Variants in AP5Z1 observed in about 807,000 individuals in gnomAD.
The protein encoded by AP5Z1 is adaptor related protein complex 5 subunit zeta 1, also known as AP-5 complex subunit zeta-1.
Under a neutral mutation model 83.0 loss-of-function variants are expected in AP5Z1, and 106 were observed. That is an observed-to-expected ratio of 1.28 (90% CI 1.09 to 1.50). The LOEUF (loss-of-function observed/expected upper bound fraction) is 1.50, where lower values mean the gene tolerates loss of function less well. AP5Z1 is among the 40% of genes most tolerant of loss of function. The pLI is 0.00. For missense variants in AP5Z1, 1,565 were observed against 1,094.2 expected, an observed-to-expected ratio of 1.43 and a Z score of -6.07; for synonymous variants, 751 against 514.1, an observed-to-expected ratio of 1.46 and a Z score of -6.23.
Position 4,785,518 on chromosome 7 carries a change from G to A in AP5Z1, c.970-4G>A, listed in dbSNP as rs559842146. 150 of 1,613,112 alleles carry A rather than the reference G, an allele frequency of 9.3e-5. 1 individual carries two copies. In the East Asian group the frequency reaches 1.7e-3, roughly 18 times the overall value. ...GCCCATTTGATGTGGTCCATGTCCCGCAGTGCCTGGTGGAGGCCGTGCTGG... is the reference window on the plus strand; with the variant it reads ...GCCCATTTGATGTGGTCCATGTCCCACAGTGCCTGGTGGAGGCCGTGCTGG... On this transcript the variant is annotated splice_polypyrimidine_tract_variant and splice_region_variant and intron_variant, in intron 8 of 16. Coordinates refer to ENST00000649063, the MANE Select transcript of AP5Z1 (RefSeq NM_014855.3).
rs945890291 is a variant in AP5Z1 at position 4,793,863 on chromosome 7, G to A, written c.*2478G>A. The stretch of plus-strand genomic sequence containing the variant: ...GTCCCATCGACCACCCAAGGGCTGA[G>A]GAGTGCCTTTGGAGCAGGGCACGGG... On this transcript the variant is annotated 3_prime_UTR_variant, in exon 17 of 17. Transcript: ENST00000649063. 6.5e-6 allele frequency: 1 copy of A among 153,398 alleles called. No homozygotes were observed. The highest frequency in any genetic ancestry group is 1.5e-5 in the Non-Finnish European group (1 of 68,878). The allele number at this position is 153,398 out of a possible 1,614,324, so 9.5% of individuals were successfully genotyped here.
At position 4,790,721 on chromosome 7, in the gene AP5Z1, A is replaced by G; in HGVS notation, c.1987A>G (p.Thr663Ala). ...GTCGGTGACCTACGATCGGAGGTGCACCGTGGAGCAGATCAACAAGTTCTT... is the reference window on the plus strand; with the variant it reads ...GTCGGTGACCTACGATCGGAGGTGCGCCGTGGAGCAGATCAACAAGTTCTT... ...YLSVTYDRRC[T>A]VEQINKFFEA... Residue 663 changes from threonine to alanine, a missense_variant, in exon 16 of 17, where the codon ACC becomes GCC. Physicochemically the swap from Thr to Ala is moderately conservative, Grantham distance 58. Transcript: ENST00000649063. 1 of 1,611,006 alleles carries G rather than the reference A, an allele frequency of 6.2e-7. No homozygotes were observed. The highest frequency in any genetic ancestry group is 2.2e-5 in the East Asian group (1 of 44,826).
chr7:4,793,728 A>C lies in AP5Z1; in HGVS notation c.*2343A>C, dbSNP rs1307283884. The C allele has an allele frequency of 6.5e-6, 1 of 154,084 alleles. No homozygotes were observed. The highest frequency in any genetic ancestry group is 1.4e-5 in the Non-Finnish European group (1 of 69,552). 9.5% of individuals were successfully genotyped at this position (154,084 alleles called of 1,614,324 possible). On this transcript the variant is annotated 3_prime_UTR_variant, in exon 17 of 17. Transcript: ENST00000649063. Reference sequence around the variant, plus strand: ...GGCCTTAGCTGCCTTCCTGCGGGGCAGGGCTGGGGACCTGCAGCCCGCCAT... The same window carrying C: ...GGCCTTAGCTGCCTTCCTGCGGGGCCGGGCTGGGGACCTGCAGCCCGCCAT...
At chr7:4,778,850 T>C (rs1205180716) in intron 1 of AP5Z1, among the ~76,000 whole-genome samples, 1 of 144,688 alleles carries the variant, frequency 6.9e-6, no homozygotes, top group Admixed American at 7.1e-5. Context: ...TAATATATAA[T>C]GATATATAAT....
rs764462865 is a variant in AP5Z1 at position 4,781,235 on chromosome 7, G to C, written c.102G>C (p.Ala34=). Residue 34 remains alanine (A), a synonymous_variant, in exon 2 of 17, where the codon GCG becomes GCC. Coordinates refer to ENST00000649063, the MANE Select transcript of AP5Z1 (RefSeq NM_014855.3). ...CCCGGATCTGTAAACTGCTGCAGGC[G>C]GAGGACTTGGGGCCGGACACCCTCG... ...FCSRICKLLQ[A]EDLGPDTLDS... 1 of 1,613,712 alleles carries C rather than the reference G, an allele frequency of 6.2e-7. No individual in the cohort carries two copies.
chr7:4,792,920 G>A lies in AP5Z1; in HGVS notation c.*1535G>A, dbSNP rs1781831717. ...CTCAGAGAGCGTGGGGCTGCCCCTA[G>A]GCTCGGAATGAGTCTCCCACTGAGT... is the stretch of plus-strand genomic sequence containing the variant. On this transcript the variant is annotated 3_prime_UTR_variant, in exon 17 of 17. Transcript: ENST00000649063. 6.5e-6 allele frequency: 1 copy of A among 154,072 alleles called. No homozygotes were observed. The highest frequency in any genetic ancestry group is 2.0e-4 in the South Asian group (1 of 4,918). The allele number at this position is 154,072 out of a possible 1,614,324, so 9.5% of individuals were successfully genotyped here. A position where few individuals can be genotyped will look rare whatever the true frequency, so the allele number is the denominator to read the frequency against.
Position 4,786,500 on chromosome 7 carries a change from C to T in AP5Z1, c.1311+72C>T, listed in dbSNP as rs141712634. On this transcript the variant is annotated intron_variant, in intron 10 of 16. Transcript: ENST00000649063. ...CCTGGGGCTCCTCCCCTCTTTCCAG[C>T]GGGGTTCAGGGCGAGTCCTGGCTGA... 868 of 1,557,948 alleles carry T rather than the reference C, an allele frequency of 5.6e-4. 4 individuals carry two copies. The African/African-American group carries it at 0.01, about 18-fold the overall frequency.
At position 4,792,835 on chromosome 7, in the gene AP5Z1, GCGGTGCACGACC is replaced by G. The variant is rs1312957623; in HGVS notation, c.*1452_*1463del. ...GCGGGTCTCGGGATCACTTCCCAGTGCGGTGCACGACCCCGCCTGCAGCAGTGGGTGTGGGGG... is the reference window on the plus strand; with the variant it reads ...GCGGGTCTCGGGATCACTTCCCAGTGCCGCCTGCAGCAGTGGGTGTGGGGG... On this transcript the variant is annotated 3_prime_UTR_variant, in exon 17 of 17. Coordinates refer to ENST00000649063, the MANE Select transcript of AP5Z1 (RefSeq NM_014855.3). 6.6e-6 allele frequency: 1 copy of G among 152,398 alleles called. No homozygotes were observed. Among genetic ancestry groups the G allele is most frequent in the Non-Finnish European group, 1.5e-5 (1 of 68,136 alleles). 9.4% of individuals were successfully genotyped at this position (152,398 alleles called of 1,614,324 possible). A position where few individuals can be genotyped will look rare whatever the true frequency, so the allele number is the denominator to read the frequency against.
rs374167435 is a variant in AP5Z1, at chr7:4,784,256, G to C, written c.675G>C (p.Val225=). 78 of 1,597,310 alleles carry C rather than the reference G, an allele frequency of 4.9e-5. No homozygotes were observed. The African/African-American group carries it at 9.2e-4, about 19-fold the overall frequency. The change falls in exon 6 of 17, where the codon GTG becomes GTC. Residue 225 remains valine (V), a synonymous_variant. Coordinates refer to ENST00000649063, the MANE Select transcript of AP5Z1 (RefSeq NM_014855.3). The part of the protein sequence containing the change: ...DGAVATDFFT[V]LSSGHRFTDD... ...CGGTAGCCACAGACTTCTTCACGGT[G>C]CTCTCCAGCGGCCACCGCTTCACAG... is the stretch of plus-strand genomic sequence containing the variant.
Position 4,788,304 on chromosome 7 carries a change from C to T in AP5Z1, c.1595+10C>T, listed in dbSNP as rs1379583139. 6.3e-7 allele frequency: 1 copy of T among 1,576,148 alleles called. No individual in the cohort carries two copies. The highest frequency in any genetic ancestry group is 8.6e-7 in the Non-Finnish European group (1 of 1,161,882). On this transcript the variant is annotated intron_variant, in intron 12 of 16. Coordinates refer to ENST00000649063, the MANE Select transcript of AP5Z1 (RefSeq NM_014855.3). ...GTGGCGCCACTGAGAGGTACGGGGC[C>T]CTAGGGCCAGGGGGCCACCAGTGGC...
Position 4,788,270 on chromosome 7 carries a change from C to A in AP5Z1, c.1571C>A (p.Pro524His). 6.3e-7 allele frequency: 1 copy of A among 1,591,874 alleles called. No homozygotes were observed. Among genetic ancestry groups the A allele is most frequent in the Admixed American group, 1.7e-5 (1 of 57,150 alleles). The part of the protein sequence containing the change: ...FQGLFQYLLR[P>H]KASGATERLA... Reference sequence around the variant, plus strand: ...GGTCTTTTCCAATACCTGCTGCGCCCCAAGGCCAGTGGCGCCACTGAGAGG... The same window carrying A: ...GGTCTTTTCCAATACCTGCTGCGCCACAAGGCCAGTGGCGCCACTGAGAGG... The change falls in exon 12 of 17, where the codon CCC becomes CAC. Residue 524 changes from proline to histidine, a missense_variant. Pro to His is a moderately conservative substitution (Grantham distance 77). Transcript: ENST00000649063.
chr7:4,783,285 T>C, intron 3 of AP5Z1, 31 bp from the exon 4 acceptor site: 1 of 1,568,460 alleles, frequency 6.4e-7, no homozygotes, highest in South Asian at 1.2e-5. Flanking sequence ...CACAGGCCAG[T>C]ACCCCAGCGT....
At chr7:4,782,375 C>A (rs1178515256) in intron 3 of AP5Z1, among the ~76,000 whole-genome samples, 1 of 152,114 alleles carries the variant, frequency 6.6e-6, no homozygotes, top group Non-Finnish European at 1.5e-5. Context: ...GGGCACTCAG[C>A]GTGGGGATCC....
At position 4,794,355 on chromosome 7, in the gene AP5Z1, CTTTG is replaced by C. The variant is rs1050624241; in HGVS notation, c.*2977_*2980del. 5 of 152,516 alleles carry C rather than the reference CTTTG, an allele frequency of 3.3e-5. No individual in the cohort carries two copies. The highest frequency in any genetic ancestry group is 4.4e-5 in the Non-Finnish European group (3 of 68,180). 9.4% of individuals were successfully genotyped at this position (152,516 alleles called of 1,614,324 possible). A position where few individuals can be genotyped will look rare whatever the true frequency, so the allele number is the denominator to read the frequency against. ...TCGGGTCCCCTTCCACACCGGGATG[CTTTG>C]TTTGTTCGCTCTTTGCAATAAATCT... On this transcript the variant is annotated 3_prime_UTR_variant, in exon 17 of 17. Coordinates refer to ENST00000649063, the MANE Select transcript of AP5Z1 (RefSeq NM_014855.3).
intron 12 of AP5Z1, 157 bp from the exon 13 acceptor site, chr7:4,788,683 G>T (rs775866694): frequency 4.7e-6 from 3 of 639,970 alleles, no homozygotes; most frequent in Non-Finnish European, 7.8e-6. Context: ...GACGCCAGGG[G>T]TCTCCCCAAA....
chr7:4,789,245 C>T (rs1781664875), intron 13 of AP5Z1, among the ~76,000 whole-genome samples: 1 of 152,082 alleles, frequency 6.6e-6, no homozygotes, highest in South Asian at 2.1e-4. Context: ...CCGGCAGGTC[C>T]TGTCTCCCAT....
intron 11 of AP5Z1, 34 bp from the exon 12 acceptor site, chr7:4,788,116 CCGCA>C: frequency 4.0e-6 from 6 of 1,492,334 alleles, no homozygotes; most frequent in Non-Finnish European, 2.7e-6. Flanking sequence ...AGTGCAGGGG[CCGCA>C]TCCCAGCCTG....
intron 1 of AP5Z1, 140 bp from the exon 2 acceptor site, chr7:4,781,035 C>T: frequency 2.7e-6 from 3 of 1,107,482 alleles, no homozygotes; most frequent in East Asian, 2.5e-5. Context: ...ATCTCGAGAG[C>T]CATGAGCCGT....
chr7:4,784,104 A>G (rs1255551571), intron 5 of AP5Z1, 99 bp from the exon 6 acceptor site: 3 of 1,386,792 alleles, frequency 2.2e-6, no homozygotes, highest in Non-Finnish European at 1.9e-6. Context: ...GCTCATGTTC[A>G]GGCAGCTTCT....
Sources: gnomAD v4.1 joint callset for allele counts (sites outside exome capture counted in the v4.1 genomes callset) on GRCh38, gnomAD v4.1.1 for gene constraint, MANE v1.5 for transcripts, NCBI Gene and HGNC (gene_info 2026-07-23, HGNC 2026-07-21) for gene names.